Variants in PPP2R2B observed in about 807,000 individuals in gnomAD.
PPP2R2B encodes the protein protein phosphatase 2 regulatory subunit Bbeta.
PPP2R2B carries 5 observed loss-of-function variants against 46.0 expected under a neutral mutation model. That is an observed-to-expected ratio of 0.11 (90% confidence interval 0.06 to 0.23). PPP2R2B has a LOEUF of 0.23. Ranked by LOEUF, PPP2R2B falls within the 10% of genes least tolerant of loss-of-function variation. The probability of loss-of-function intolerance (pLI) is 1.00; values close to 1 mark genes in which losing one functional copy is unlikely to be tolerated. For synonymous variants in PPP2R2B, 215 were observed against 206.7 expected, an observed-to-expected ratio of 1.04 and a Z score of -0.34; for missense variants, 367 against 575.0, an observed-to-expected ratio of 0.64 and a Z score of 3.70.
intron 2 of PPP2R2B, among the ~76,000 whole-genome samples, chr5:146,733,007 C>T (rs367847299): frequency 5.3e-5 from 8 of 152,160 alleles, no homozygotes; most frequent in South Asian, 4.1e-4. Flanking sequence ...TACACACTCA[C>T]GGCAAAAATT....
At chr5:146,847,002 G>A (rs910824026) in intron 2 of PPP2R2B, among the ~76,000 whole-genome samples, 1 of 152,124 alleles carries the variant, frequency 6.6e-6, no homozygotes, top group Non-Finnish European at 1.5e-5. Flanking sequence ...TAATACATCA[G>A]ACTATGGGTG....
intron 1 of PPP2R2B, among the ~76,000 whole-genome samples, chr5:146,923,325 A>G (rs1582435060): frequency 6.6e-6 from 1 of 152,212 alleles, no homozygotes; most frequent in Non-Finnish European, 1.5e-5. Context: ...AACAGGCAAA[A>G]TGTACCTGTC....
chr5:146,676,253 C>T (rs1340500319), intron 5 of PPP2R2B, among the ~76,000 whole-genome samples: 3 of 152,128 alleles, frequency 2.0e-5, no homozygotes, highest in Non-Finnish European at 2.9e-5. Context: ...CAAAGTAGGG[C>T]TGTTCCAAAA....
chr5:146,743,588 T>C (rs1169377121), intron 2 of PPP2R2B, among the ~76,000 whole-genome samples: 1 of 152,218 alleles, frequency 6.6e-6, no homozygotes, highest in Non-Finnish European at 1.5e-5. Context: ...TCTAATCCAG[T>C]TCAAATTCCT....
At chr5:146,722,430 G>GA (rs1026782845) in intron 2 of PPP2R2B, among the ~76,000 whole-genome samples, 7 of 152,160 alleles carry the variant, frequency 4.6e-5, no homozygotes, top group African/African-American at 7.2e-5. Flanking sequence ...ATGAATCAGA[G>GA]AAAAAATGAG....
intron 1 of PPP2R2B, among the ~76,000 whole-genome samples, chr5:147,029,378 C>G (rs1447015462): frequency 1.3e-5 from 2 of 152,134 alleles, no homozygotes; most frequent in Admixed American, 6.5e-5. Context: ...TTCTCCACAC[C>G]ATTTATTGAA....
chr5:146,650,283 G>A (rs6580433), intron 6 of PPP2R2B, among the ~76,000 whole-genome samples: 112,144 of 152,072 alleles, frequency 0.74, 42,490 homozygotes, highest in East Asian at 0.82. Context: ...ATTTTAATTC[G>A]TGACATATAA....
At chr5:146,911,321 A>T (rs571941580) in intron 1 of PPP2R2B, among the ~76,000 whole-genome samples, 1 of 152,096 alleles carries the variant, frequency 6.6e-6, no homozygotes, top group Non-Finnish European at 1.5e-5. Flanking sequence ...TGACCTTGTG[A>T]TCCTCCCACC....
chr5:146,781,124 C>A (rs1755483459), intron 2 of PPP2R2B, among the ~76,000 whole-genome samples: 1 of 61,424 alleles, frequency 1.6e-5, no homozygotes, highest in Non-Finnish European at 3.4e-5. Context: ...ATACATAATG[C>A]CACCATGATA....
Position 146,878,385 on chromosome 5 carries a change from C to G in PPP2R2B, c.-124-190G>C. On this transcript the variant is annotated intron_variant, in intron 1 of 9. Coordinates refer to ENST00000394411, the MANE Select transcript of PPP2R2B (RefSeq NM_181675.4). This position sits in a 1 kb window ranked among gnomAD's most constrained non-coding sequence, Gnocchi z 4.5. ...CCGGGTGCCAAGATACGCCGTGCCC[C>G]GAGGGGTCTGGTCCCGCCCGCCCGC... 1.4e-6 allele frequency: 2 copies of G among 1,431,610 alleles called. No homozygotes were observed. Among genetic ancestry groups the G allele is most frequent in the South Asian group, 1.5e-5 (1 of 66,724 alleles). 88.7% of individuals were successfully genotyped at this position (1,431,610 alleles called of 1,614,324 possible). A position where few individuals can be genotyped will look rare whatever the true frequency, so the allele number is the denominator to read the frequency against.
chr5:146,590,242 C>CAAAGGGAGTGAACGAGTATTACGGAG lies in PPP2R2B; in HGVS notation c.1053-17_1053-16insCTCCGTAATACTCGTTCACTCCCTTT. On this transcript the variant is annotated splice_polypyrimidine_tract_variant and intron_variant, in intron 9 of 9. Transcript: ENST00000394411. ...CATGATGACACTGCAAGGCAGAGAG[C>CAAAGGGAGTGAACGAGTATTACGGAG]AAAGGCAATGACATATCTTCACTGT... The CAAAGGGAGTGAACGAGTATTACGGAG allele has an allele frequency of 1.2e-6, 2 of 1,611,210 alleles. No homozygotes were observed. Among genetic ancestry groups the CAAAGGGAGTGAACGAGTATTACGGAG allele is most frequent in the Non-Finnish European group, 1.7e-6 (2 of 1,177,980 alleles).
In PPP2R2B at chr5:146,772,383, CATATATATATATATATAT is replaced by C. The variant is rs33981708; in HGVS notation, c.71-71259_71-71242del. ...ATTATATATTAGTTAATAACTTGTG[CATATATATATATATATAT>C]ATATATATATATATATATATATATA... On this transcript the variant is annotated intron_variant, in intron 2 of 9. Transcript: ENST00000394411. Among the ~76,000 whole-genome samples the C allele has an allele frequency of 5.5e-3, 728 of 133,570 alleles. 10 individuals carry two copies. The highest frequency in any genetic ancestry group is 0.018 in the African/African-American group (595 of 33,978). 87.6% of individuals were successfully genotyped at this position (133,570 alleles called of 152,430 possible).
At chr5:146,731,641 C>T (rs62375675) in intron 2 of PPP2R2B, among the ~76,000 whole-genome samples, 1 of 152,154 alleles carries the variant, frequency 6.6e-6, no homozygotes, top group South Asian at 2.1e-4. Context: ...GTCAGTCACC[C>T]TCATTCTCAA....
intron 6 of PPP2R2B, among the ~76,000 whole-genome samples, chr5:146,648,698 G>A (rs1187353024): frequency 6.6e-6 from 1 of 152,166 alleles, no homozygotes; most frequent in Admixed American, 6.5e-5. Context: ...AGCTACTTAA[G>A]AGTTAATGGG....
At chr5:146,776,721 T>C (rs1211531918) in intron 2 of PPP2R2B, among the ~76,000 whole-genome samples, 1 of 151,654 alleles carries the variant, frequency 6.6e-6, no homozygotes, top group Non-Finnish European at 1.5e-5. Flanking sequence ...ACCCACAGAA[T>C]AGGAAAAAAA....
chr5:146,829,663 ATGT>A (rs1186732193), intron 2 of PPP2R2B, among the ~76,000 whole-genome samples: 3 of 152,192 alleles, frequency 2.0e-5, no homozygotes, highest in Non-Finnish European at 1.5e-5. Flanking sequence ...AAACTGACTT[ATGT>A]AAAAGAGGCG....
intron 2 of PPP2R2B, among the ~76,000 whole-genome samples, chr5:146,781,175 T>TATAA (rs1347279752): frequency 8.6e-6 from 1 of 116,458 alleles, no homozygotes. Flanking sequence ...TATATATATA[T>TATAA]AAAATTATTC....
rs540896052 is a variant in PPP2R2B, at chr5:147,045,966, C to T, written c.79+9699G>A. Among the ~76,000 whole-genome samples the T allele has an allele frequency of 3.2e-4, 49 of 152,276 alleles. 1 individual carries two copies. In the South Asian group the frequency reaches 1.0e-2, roughly 31 times the overall value. On this transcript the variant is annotated intron_variant, in intron 1 of 8. Coordinates refer to the PPP2R2B transcript ENST00000336640. ...AGTAACACTTCTTTAGGGAAGCTCTCCTGATCTTCGTGTGCATAATAAAGC... is the reference window on the plus strand; with the variant it reads ...AGTAACACTTCTTTAGGGAAGCTCTTCTGATCTTCGTGTGCATAATAAAGC...
chr5:146,755,565 T>C (rs764978652), intron 2 of PPP2R2B, among the ~76,000 whole-genome samples: 32 of 152,182 alleles, frequency 2.1e-4, no homozygotes, highest in Non-Finnish European at 3.7e-4. Flanking sequence ...ACAACACCAA[T>C]TGGCAATATT....
Sources: gnomAD v4.1 joint callset for allele counts (sites outside exome capture counted in the v4.1 genomes callset) on GRCh38, gnomAD v4.1.1 for gene constraint, Gnocchi (gnomAD v3.1) non-coding constraint, MANE v1.5 for transcripts, NCBI Gene and HGNC (gene_info 2026-07-23, HGNC 2026-07-21) for gene names.